TRDN: variants seen among roughly 807,000 people sequenced by gnomAD.
TRDN encodes the protein triadin, also known as triadin in skeletal muscle.
TRDN carries 161 observed loss-of-function variants against 149.7 expected under a neutral mutation model. That is an observed-to-expected ratio of 1.08 (90% CI 0.95 to 1.23). The LOEUF (loss-of-function observed/expected upper bound fraction) is 1.23. Among genes scored for constraint, TRDN ranks in the 50% most tolerant of loss-of-function variants. The pLI is 0.00. For missense variants in TRDN, 896 were observed against 823.5 expected (o/e 1.09, Z -1.08); for synonymous variants, 294 against 250.5 (o/e 1.17, Z -1.64).
intron 24 of TRDN, among the ~76,000 whole-genome samples, chr6:123,285,489 G>A (rs1394009365): frequency 1.3e-5 from 2 of 152,104 alleles, no homozygotes; most frequent in Admixed American, 1.3e-4. Flanking sequence ...GCCACATGTA[G>A]GAGAATGAAA....
intron 2 of TRDN, among the ~76,000 whole-genome samples, chr6:123,551,275 C>T (rs1275746561): frequency 7.0e-6 from 1 of 143,394 alleles, no homozygotes; most frequent in Non-Finnish European, 1.5e-5. Flanking sequence ...GTTATCATTG[C>T]TAGCTTGAGA....
chr6:123,536,629 T>C (rs1780547739), intron 4 of TRDN, among the ~76,000 whole-genome samples: 1 of 151,424 alleles, frequency 6.6e-6, no homozygotes, highest in Non-Finnish European at 1.5e-5. Context: ...GTTGGGCAGA[T>C]TGCTTGAATC....
At chr6:123,319,019 C>A (rs1367503417) in intron 23 of TRDN, among the ~76,000 whole-genome samples, 1 of 151,702 alleles carries the variant, frequency 6.6e-6, no homozygotes, top group Non-Finnish European at 1.5e-5. Context: ...GTTTTATAAT[C>A]TGACTTTAAA....
At chr6:123,491,188 A>G (rs1240929311) in intron 9 of TRDN, among the ~76,000 whole-genome samples, 1 of 147,862 alleles carries the variant, frequency 6.8e-6, no homozygotes, top group Non-Finnish European at 1.5e-5. Context: ...AATGAAGATG[A>G]CATTTTCTTT....
At chr6:123,340,340 A>G (rs1394645338) in intron 21 of TRDN, among the ~76,000 whole-genome samples, 2 of 152,116 alleles carry the variant, frequency 1.3e-5, no homozygotes, top group Admixed American at 6.6e-5. Flanking sequence ...TGATCTGCCT[A>G]TTATTTATTA....
intron 4 of TRDN, among the ~76,000 whole-genome samples, chr6:123,544,644 C>T (rs1434551844): frequency 6.6e-6 from 1 of 151,940 alleles, no homozygotes; most frequent in Non-Finnish European, 1.5e-5. Context: ...ATTTGGTTTT[C>T]ATACTTATAA....
chr6:123,589,869 A>G (rs1783697107), intron 1 of TRDN, among the ~76,000 whole-genome samples: 1 of 152,220 alleles, frequency 6.6e-6, no homozygotes, highest in Non-Finnish European at 1.5e-5. Context: ...TGGAAGTGCA[A>G]GAACTAAGAC....
chr6:123,250,635 T>G (rs1278428749), intron 38 of TRDN, among the ~76,000 whole-genome samples: 1 of 152,082 alleles, frequency 6.6e-6, no homozygotes, highest in African/African-American at 2.4e-5. Flanking sequence ...CTCTGATCAT[T>G]TATTTTAATA....
chr6:123,297,603 T>A (rs1778249724), intron 24 of TRDN, among the ~76,000 whole-genome samples: 1 of 152,034 alleles, frequency 6.6e-6, no homozygotes. Context: ...CCAATCAGGC[T>A]TACCTATCAA....
intron 5 of TRDN, among the ~76,000 whole-genome samples, chr6:123,524,051 C>T (rs937663941): frequency 2.0e-5 from 3 of 152,144 alleles, no homozygotes; most frequent in East Asian, 1.9e-4. Context: ...ACTTCTCAAA[C>T]ATTAATGGCT....
At chr6:123,619,911 A>G (rs1400604488) in intron 1 of TRDN, among the ~76,000 whole-genome samples, 1 of 152,066 alleles carries the variant, frequency 6.6e-6, no homozygotes, top group African/African-American at 2.4e-5. Flanking sequence ...TATGGGGAAA[A>G]TTTCATGAGT....
At chr6:123,628,936 T>G (rs1785819406) in intron 1 of TRDN, among the ~76,000 whole-genome samples, 1 of 152,134 alleles carries the variant, frequency 6.6e-6, no homozygotes, top group Admixed American at 6.6e-5. Flanking sequence ...CAGATGGAGG[T>G]AACTTGCCTT....
In TRDN at chr6:123,352,603, A is replaced by C. The variant is rs776843582; in HGVS notation, c.1322-17T>G. ...CAGGTACAGCTGCAAAACAAAGATA[A>C]GGTTTAAAGAAGAGTTCCAGACAGA... On this transcript the variant is annotated splice_polypyrimidine_tract_variant and intron_variant, in intron 20 of 40. Coordinates refer to ENST00000334268, the MANE Select transcript of TRDN (RefSeq NM_006073.4). The C allele has an allele frequency of 6.2e-7, 1 of 1,606,424 alleles. No homozygotes were observed. The highest frequency in any genetic ancestry group is 1.3e-5 in the African/African-American group (1 of 74,332).
At position 123,503,517 on chromosome 6, in the gene TRDN, T is replaced by C. The variant is rs970203556; in HGVS notation, c.793+202A>G. 22 of 1,416,166 alleles carry C rather than the reference T, an allele frequency of 1.6e-5. No individual in the cohort carries two copies. The African/African-American group carries it at 3.0e-4, about 19-fold the overall frequency. 87.7% of individuals were successfully genotyped at this position (1,416,166 alleles called of 1,614,324 possible). On this transcript the variant is annotated intron_variant, in intron 8 of 40. Coordinates refer to ENST00000334268, the MANE Select transcript of TRDN (RefSeq NM_006073.4). ...AAATACTTCAAAATGCCCCTTTAGA[T>C]CTGTGAACACATTTTAGTATTTTTA...
intron 16 of TRDN, 55 bp downstream of exon 16, chr6:123,381,315 C>CTGTAGTA: frequency 6.7e-7 from 1 of 1,494,062 alleles, no homozygotes; most frequent in South Asian, 1.2e-5. Flanking sequence ...CAGCAGCAGG[C>CTGTAGTA]AAATAATAGT....
At chr6:123,240,465 A>G (rs1775949326) in intron 38 of TRDN, among the ~76,000 whole-genome samples, 1 of 151,800 alleles carries the variant, frequency 6.6e-6, no homozygotes, top group Non-Finnish European at 1.5e-5. Context: ...TTGCTGAAAC[A>G]ACGTAAAAAA....
At chr6:123,265,456 A>G (rs1274241502) in intron 32 of TRDN, 118 bp from the exon 33 acceptor site, 6 of 584,404 alleles carry the variant, frequency 1.0e-5, no homozygotes, top group South Asian at 5.0e-5. Flanking sequence ...GACTAAACTT[A>G]TATCAACAAT....
chr6:123,241,397 TTA>T (rs1207693506), intron 38 of TRDN, among the ~76,000 whole-genome samples: 3 of 151,496 alleles, frequency 2.0e-5, no homozygotes, highest in African/African-American at 7.2e-5. Flanking sequence ...ATATAAACTT[TTA>T]TATCTATGAA....
chr6:123,395,563 A>G (rs978810748), intron 12 of TRDN, among the ~76,000 whole-genome samples: 2 of 152,014 alleles, frequency 1.3e-5, no homozygotes, highest in East Asian at 3.9e-4. Context: ...TCTTCTTTCT[A>G]CTAAGACTTA....
Sources: allele counts gnomAD v4.1 joint callset (sites outside exome capture counted in the v4.1 genomes callset), GRCh38; gene constraint gnomAD v4.1.1; transcripts MANE v1.5; gene names NCBI Gene and HGNC (gene_info 2026-07-23, HGNC 2026-07-21).